Variants in PLPP3 observed in about 807,000 individuals in gnomAD.
PLPP3 encodes the protein phospholipid phosphatase 3.
PLPP3 carries 6 observed loss-of-function variants against 29.6 expected under a neutral mutation model. The observed-to-expected ratio is 0.20, with a 90% CI of 0.11 to 0.40. PLPP3 has a LOEUF of 0.40. Ranked by LOEUF, PLPP3 falls within the 10% of genes least tolerant of loss-of-function variation. The probability of loss-of-function intolerance (pLI) is 1.00; values close to 1 mark genes in which losing one functional copy is unlikely to be tolerated. For synonymous variants in PLPP3, 152 were observed against 159.7 expected (o/e 0.95, Z 0.36); for missense variants, 308 against 407.7 (o/e 0.76, Z 2.11).
chr1:56,536,972 C>G lies in PLPP3; in HGVS notation c.280G>C (p.Val94Leu). The change falls in exon 2 of 6, where the codon GTC (valine) becomes CTC (leucine). Residue 94 changes from valine (V) to leucine (L), a missense_variant. Around this residue, in one of 3 missense-constraint regions of PLPP3, gnomAD observed 232 missense variants for 317.2 expected, o/e 0.73. Coordinates refer to ENST00000371250, the MANE Select transcript of PLPP3 (RefSeq NM_003713.5). ...NDAVLCAVGI[V>L]IAILAIITGE... ...ACACTTACCGCGAGGATGGCAATGACGATCCCCACGGCACAGAGCACAGCG... is the reference window on the plus strand; with the variant it reads ...ACACTTACCGCGAGGATGGCAATGAGGATCCCCACGGCACAGAGCACAGCG... 1 of 1,613,532 alleles carries G rather than the reference C, an allele frequency of 6.2e-7. No homozygotes were observed. Among genetic ancestry groups the G allele is most frequent in the Non-Finnish European group, 8.5e-7 (1 of 1,179,692 alleles).
chr1:56,555,433 TAAAAAAAAAAAAA>T (rs66593221), intron 1 of PLPP3, among the ~76,000 whole-genome samples: 1 of 33,216 alleles, frequency 3.0e-5, no homozygotes, highest in Non-Finnish European at 5.4e-5. Context: ...GGCCAAACAC[TAAAAAAAAAAAAA>T]AAAAAAAAAA....
Position 56,524,871 on chromosome 1 carries a change from A to G in PLPP3, c.298-317T>C, listed in dbSNP as rs116068303. On this transcript the variant is annotated intron_variant, in intron 2 of 5. Coordinates refer to ENST00000371250, the MANE Select transcript of PLPP3 (RefSeq NM_003713.5). This position sits in a 1 kb window ranked among gnomAD's most constrained non-coding sequence, Gnocchi z 4.3. ...AAGGGAGAGACAAGAACTTAACTAT[A>G]GAAAAGAAATACTAAATGAAGAATC... Among the ~76,000 whole-genome samples the G allele has an allele frequency of 5.3e-3, 803 of 152,128 alleles. 11 individuals are homozygous for G. The highest frequency in any genetic ancestry group is 0.018 in the African/African-American group (750 of 41,484).
intron 1 of PLPP3, among the ~76,000 whole-genome samples, chr1:56,541,005 T>C (rs192353561): frequency 6.6e-5 from 10 of 152,318 alleles, no homozygotes; most frequent in Admixed American, 3.9e-4. Context: ...TGGAAGTCAA[T>C]ACATCATAGT....
chr1:56,560,550 A>C (rs1027637391), intron 1 of PLPP3, among the ~76,000 whole-genome samples: 1 of 152,102 alleles, frequency 6.6e-6, no homozygotes, highest in African/African-American at 2.4e-5. Flanking sequence ...CTGTGTTCTC[A>C]TATGATGGAA....
intron 5 of PLPP3, among the ~76,000 whole-genome samples, chr1:56,502,042 C>T (rs1645671460): frequency 1.3e-5 from 2 of 152,200 alleles, no homozygotes; most frequent in Non-Finnish European, 2.9e-5. Context: ...ACACACAGTC[C>T]AGCCCTGCTG....
intron 5 of PLPP3, among the ~76,000 whole-genome samples, chr1:56,504,591 T>A (rs907772774): frequency 2.2e-4 from 33 of 152,120 alleles, no homozygotes; most frequent in African/African-American, 8.0e-4. Flanking sequence ...CCTCTCCCCA[T>A]TATCCCCCAA....
At chr1:56,555,447 A>AAC (rs1306183272) in intron 1 of PLPP3, among the ~76,000 whole-genome samples, 107 of 148,384 alleles carry the variant, frequency 7.2e-4, no homozygotes, top group Middle Eastern at 3.4e-3. Flanking sequence ...AAAAAAAAAA[A>AAC]AAAAAAAAAA....
At chr1:56,502,195 A>G (rs930213511) in intron 5 of PLPP3, among the ~76,000 whole-genome samples, 5 of 152,242 alleles carry the variant, frequency 3.3e-5, no homozygotes, top group African/African-American at 1.2e-4. Flanking sequence ...TGTTAAGGGC[A>G]GATTATGACA....
chr1:56,503,206 A>G (rs193269296), intron 5 of PLPP3, among the ~76,000 whole-genome samples: 3 of 152,274 alleles, frequency 2.0e-5, no homozygotes, highest in Admixed American at 1.3e-4. Flanking sequence ...ACTTCCTAGT[A>G]TAACTGAGAG....
intron 1 of PLPP3, among the ~76,000 whole-genome samples, chr1:56,539,379 C>T (rs1168616149): frequency 1.3e-5 from 2 of 152,194 alleles, no homozygotes; most frequent in African/African-American, 2.4e-5. Context: ...GATAAAAATG[C>T]TCACTTTCTA....
At chr1:56,523,911 C>T in intron 3 of PLPP3, 31 bp from the exon 4 acceptor site, 6 of 1,603,452 alleles carry the variant, frequency 3.7e-6, no homozygotes, top group Non-Finnish European at 4.3e-6. Flanking sequence ...CATGAAAGGG[C>T]CGTATTCACA....
At chr1:56,549,561 T>G (rs1265411798) in intron 1 of PLPP3, among the ~76,000 whole-genome samples, 1 of 152,214 alleles carries the variant, frequency 6.6e-6, no homozygotes, top group Non-Finnish European at 1.5e-5. Flanking sequence ...AGTTTTCATC[T>G]TTATCCAAGG....
At chr1:56,526,416 G>C (rs1645853359) in intron 2 of PLPP3, among the ~76,000 whole-genome samples, 2 of 152,148 alleles carry the variant, frequency 1.3e-5, no homozygotes, top group South Asian at 4.1e-4. Flanking sequence ...ATTAAACCCA[G>C]GTGCACTGAC....
chr1:56,505,034 G>C (rs1645693196), intron 5 of PLPP3, among the ~76,000 whole-genome samples: 1 of 152,148 alleles, frequency 6.6e-6, no homozygotes, highest in Admixed American at 6.5e-5. Context: ...ATTTGTTTTA[G>C]TTACGTGTGG....
intron 2 of PLPP3, among the ~76,000 whole-genome samples, chr1:56,533,494 G>T (rs570773434): frequency 6.6e-6 from 1 of 152,286 alleles, no homozygotes; most frequent in African/African-American, 2.4e-5. Context: ...GACAGCAGTA[G>T]GAATCAGAGG....
intron 1 of PLPP3, among the ~76,000 whole-genome samples, chr1:56,558,094 CTT>C (rs991828666): frequency 4.6e-5 from 7 of 152,172 alleles, no homozygotes; most frequent in African/African-American, 1.7e-4. Context: ...CTAAGAAACT[CTT>C]TTCACGGGAG....
At chr1:56,572,246 C>A (rs1161523537) in intron 1 of PLPP3, among the ~76,000 whole-genome samples, 1 of 151,892 alleles carries the variant, frequency 6.6e-6, no homozygotes, top group African/African-American at 2.4e-5. Context: ...GACGGGGTTT[C>A]ACCATGTTGA....
At chr1:56,514,075 A>G (rs1645765128) in intron 4 of PLPP3, among the ~76,000 whole-genome samples, 1 of 152,124 alleles carries the variant, frequency 6.6e-6, no homozygotes, top group African/African-American at 2.4e-5. Flanking sequence ...TAAATTTAAA[A>G]AAAAAGAAAA....
intron 5 of PLPP3, among the ~76,000 whole-genome samples, chr1:56,507,822 C>A (rs1645713846): frequency 6.6e-6 from 1 of 152,074 alleles, no homozygotes; most frequent in South Asian, 2.1e-4. Context: ...GAAGGTGTGA[C>A]AATGGATGCA....
Sources: allele counts gnomAD v4.1 joint callset (sites outside exome capture counted in the v4.1 genomes callset), GRCh38; gene constraint gnomAD v4.1.1; regional missense constraint gnomAD v4.1.1; non-coding constraint Gnocchi (gnomAD v3.1); transcripts MANE v1.5; gene names NCBI Gene and HGNC (gene_info 2026-07-23, HGNC 2026-07-21).